The following STXBP5 variants were observed in gnomAD, a reference collection of about 807,000 sequenced individuals.
The protein encoded by STXBP5 is syntaxin binding protein 5, also known as syntaxin-binding protein 5.
A neutral mutation model predicts 152.4 loss-of-function variants in STXBP5; 50 were observed. That is an observed-to-expected ratio of 0.33 (90% CI 0.26 to 0.42). The LOEUF is 0.42. STXBP5 is among the 10% of genes least tolerant of loss of function. The pLI, the probability that STXBP5 is intolerant of heterozygous loss-of-function variation, is 1.00. For missense variants in STXBP5, 1,167 were observed against 1,388.6 expected, an observed-to-expected ratio of 0.84 and a Z score of 2.54; for synonymous variants, 492 against 494.7, an observed-to-expected ratio of 0.99 and a Z score of 0.07.
intron 7 of STXBP5, among the ~76,000 whole-genome samples, chr6:147,271,599 G>GA (rs1008209733): frequency 1.2e-4 from 17 of 141,432 alleles, no homozygotes; most frequent in East Asian, 1.2e-3. Context: ...ATTTTGAACT[G>GA]AAAAAAACGA....
rs74992796 is a variant in STXBP5 at position 147,306,519 on chromosome 6, G to C, written c.918-3565G>C. 7.1e-3 allele frequency among the ~76,000 whole-genome samples: 1,080 copies of C among 152,328 alleles called. 13 individuals are homozygous for C. Among genetic ancestry groups the C allele is most frequent in the African/African-American group, 0.025 (1,038 of 41,572 alleles). ...CTCAACTGAATGCTATCATACAAAA[G>C]TAATTGTGGAGATGAAAAGGAGGAG... On this transcript the variant is annotated intron_variant, in intron 9 of 27. Coordinates refer to ENST00000321680, the MANE Select transcript of STXBP5 (RefSeq NM_001127715.4).
chr6:147,360,729 G>A (rs907943061), intron 23 of STXBP5, among the ~76,000 whole-genome samples: 2 of 152,150 alleles, frequency 1.3e-5, no homozygotes, highest in African/African-American at 4.8e-5. Flanking sequence ...TTAAAAAATA[G>A]TACTAGACTT....
chr6:147,244,666 G>A (rs555427019), intron 4 of STXBP5, among the ~76,000 whole-genome samples: 3 of 152,216 alleles, frequency 2.0e-5, no homozygotes, highest in African/African-American at 4.8e-5. Context: ...ACAGTTTTTG[G>A]TGATTTTGAA....
At chr6:147,374,474 T>A (rs1213889469) in intron 26 of STXBP5, among the ~76,000 whole-genome samples, 1 of 152,208 alleles carries the variant, frequency 6.6e-6, no homozygotes, top group Non-Finnish European at 1.5e-5. Context: ...GAAATTTTTT[T>A]AAACTTACCC....
At chr6:147,332,665 G>A (rs1393323681) in intron 18 of STXBP5, among the ~76,000 whole-genome samples, 1 of 152,198 alleles carries the variant, frequency 6.6e-6, no homozygotes, top group South Asian at 2.1e-4. Flanking sequence ...ACAGTATACT[G>A]TAGGATCATC....
chr6:147,290,606 T>C (rs2128351798), intron 8 of STXBP5, among the ~76,000 whole-genome samples: 1 of 152,334 alleles, frequency 6.6e-6, no homozygotes, highest in African/African-American at 2.4e-5. Context: ...TAGAGGTTGG[T>C]GTATTTTAGC....
intron 8 of STXBP5, among the ~76,000 whole-genome samples, chr6:147,287,864 A>G (rs1781064574): frequency 6.6e-6 from 1 of 152,196 alleles, no homozygotes; most frequent in South Asian, 2.1e-4. Flanking sequence ...TTTTTCAAAA[A>G]AAGCTATATT....
chr6:147,288,111 G>A (rs1197756657), intron 8 of STXBP5, among the ~76,000 whole-genome samples: 1 of 152,116 alleles, frequency 6.6e-6, no homozygotes, highest in Non-Finnish European at 1.5e-5. Flanking sequence ...TTCTGCCTGA[G>A]TTCCATTTGC....
chr6:147,254,365 T>A (rs1779252221), intron 4 of STXBP5, among the ~76,000 whole-genome samples: 2 of 152,096 alleles, frequency 1.3e-5, no homozygotes, highest in Non-Finnish European at 2.9e-5. Flanking sequence ...TTCAAAACCA[T>A]TCAGGACATA....
chr6:147,218,957 A>T (rs1306787840), intron 2 of STXBP5, among the ~76,000 whole-genome samples: 1 of 152,048 alleles, frequency 6.6e-6, no homozygotes, highest in African/African-American at 2.4e-5. Context: ...TCCTTTGCTC[A>T]TTGCATTAGC....
Position 147,315,715 on chromosome 6 carries a change from G to C in STXBP5, c.1603G>C (p.Val535Leu). 6.2e-7 allele frequency: 1 copy of C among 1,613,466 alleles called. No homozygotes were observed. Among genetic ancestry groups the C allele is most frequent in the Non-Finnish European group, 8.5e-7 (1 of 1,179,550 alleles). Residue 535 changes from valine to leucine, a missense_variant, in exon 15 of 28, where the codon GTA becomes CTA. Transcript: ENST00000321680. ...TATTTATAGATTCAGCAAGCAGGAA[G>C]TAATCACAGAAGTCATTCCGGTAAT... is the stretch of plus-strand genomic sequence containing the variant. ...VIIYRFSKQE[V>L]ITEVIPMLEV...
intron 21 of STXBP5, among the ~76,000 whole-genome samples, chr6:147,345,581 G>T (rs6932613): frequency 6.6e-6 from 1 of 151,784 alleles, no homozygotes; most frequent in Non-Finnish European, 1.5e-5. Flanking sequence ...TGAAACTCTC[G>T]GTATAAACAA....
At chr6:147,258,024 G>A (rs2115324261) in intron 4 of STXBP5, among the ~76,000 whole-genome samples, 1 of 152,248 alleles carries the variant, frequency 6.6e-6, no homozygotes, top group African/African-American at 2.4e-5. Context: ...TCTCCAACAG[G>A]CTAGTCTGGG....
At chr6:147,345,180 A>G (rs931401809) in intron 21 of STXBP5, among the ~76,000 whole-genome samples, 3 of 152,130 alleles carry the variant, frequency 2.0e-5, no homozygotes, top group Non-Finnish European at 4.4e-5. Flanking sequence ...TTCCAATGAC[A>G]GTTTTGGTTC....
At position 147,350,467 on chromosome 6, in the gene STXBP5, T is replaced by C. The variant is rs117879624; in HGVS notation, c.2255-2856T>C. Among the ~76,000 whole-genome samples the C allele has an allele frequency of 8.8e-3, 1,341 of 152,266 alleles. 11 individuals carry two copies. Among genetic ancestry groups the C allele is most frequent in the Middle Eastern group, 0.024 (7 of 294 alleles). ...TTCCTAATTGATTAAAATATGTATT[T>C]AACGTTTAATGTATTCAGAGATGAA... On this transcript the variant is annotated intron_variant, in intron 21 of 27. Transcript: ENST00000321680.
intron 21 of STXBP5, among the ~76,000 whole-genome samples, chr6:147,344,106 TA>T (rs1481432530): frequency 6.6e-6 from 1 of 152,186 alleles, no homozygotes; most frequent in African/African-American, 2.4e-5. Context: ...TTAGAATGAA[TA>T]AAAATTGGAA....
chr6:147,304,437 A>C (rs1307451531), intron 9 of STXBP5, among the ~76,000 whole-genome samples: 1 of 152,192 alleles, frequency 6.6e-6, no homozygotes, highest in African/African-American at 2.4e-5. Flanking sequence ...CTGGATGTCC[A>C]GGCAGAAGTT....
chr6:147,328,897 C>T, intron 18 of STXBP5: 1 of 346,978 alleles, frequency 2.9e-6, no homozygotes, highest in Non-Finnish European at 5.7e-6. Context: ...GTACTCATTA[C>T]TTAGATTCAT....
At chr6:147,383,536 C>A (rs1786198060) in intron 27 of STXBP5, among the ~76,000 whole-genome samples, 1 of 151,802 alleles carries the variant, frequency 6.6e-6, no homozygotes, top group Non-Finnish European at 1.5e-5. Flanking sequence ...AGTAGGGATC[C>A]CTGACTGGCC....
Sources: allele counts gnomAD v4.1 joint callset (sites outside exome capture counted in the v4.1 genomes callset), GRCh38; gene constraint gnomAD v4.1.1; transcripts MANE v1.5; gene names NCBI Gene and HGNC (gene_info 2026-07-23, HGNC 2026-07-21).